The following LARP4B variants were observed in gnomAD, a reference collection of about 807,000 sequenced individuals.
LARP4B encodes the protein la-related protein 4B.
A neutral mutation model predicts 89.8 loss-of-function variants in LARP4B; 12 were observed. The ratio of observed to expected loss-of-function variants is 0.13; its 90% CI spans 0.09 to 0.22. The LOEUF is 0.22. Among genes scored for constraint, LARP4B ranks in the 10% least tolerant of loss-of-function variants. LARP4B has a pLI of 1.00. For missense variants in LARP4B, 757 were observed against 947.7 expected (o/e 0.80, Z 2.64); for synonymous variants, 367 against 363.3 (o/e 1.01, Z -0.12).
chr10:830,539 G>C (rs183951939), intron 9 of LARP4B, among the ~76,000 whole-genome samples: 2 of 152,246 alleles, frequency 1.3e-5, no homozygotes, highest in Admixed American at 1.3e-4. Context: ...AAGTCTGCTG[G>C]GAGATGAAGA....
chr10:813,070 C>T lies in LARP4B; in HGVS notation c.2073G>A (p.Glu691=). 1.2e-6 allele frequency: 2 copies of T among 1,614,172 alleles called. No homozygotes were observed. The highest frequency in any genetic ancestry group is 2.2e-5 in the South Asian group (2 of 91,080). Residue 691 remains glutamate (E), a synonymous_variant, in exon 18 of 18, where the codon GAG becomes GAA. Coordinates refer to ENST00000316157, the MANE Select transcript of LARP4B (RefSeq NM_015155.3). ...KEEKKLAEPA[E]RYREPPALKS... ...TGAGGGCTGGGGGCTCCCGGTATCT[C>T]TCTGCGGGCTCTGCCAGCTTCTTTT...
At chr10:956,039 G>T in the LARP4B span, among the ~76,000 whole-genome samples, 2 of 152,152 alleles carry the variant, frequency 1.3e-5, no homozygotes. This position sits in a 1 kb window ranked among gnomAD's most constrained non-coding sequence, Gnocchi z 4.3. Flanking sequence ...ACAGAGGTGG[G>T]GACACAGGAT....
Position 810,175 on chromosome 10 carries a change from T to C in LARP4B, c.*2751A>G, listed in dbSNP as rs1381721407. ...GCTGGGGGTAAAGGAGGGTGTTAAC[T>C]TAAAAAAAAAAAAAGTATGAAAGCC... On this transcript the variant is annotated 3_prime_UTR_variant, in exon 18 of 18. Transcript: ENST00000316157. 1.3e-5 allele frequency: 2 copies of C among 150,470 alleles called. No individual in the cohort carries two copies. The highest frequency in any genetic ancestry group is 6.6e-5 in the Admixed American group (1 of 15,148). 9.3% of individuals were successfully genotyped at this position (150,470 alleles called of 1,614,324 possible). A position where few individuals can be genotyped will look rare whatever the true frequency, so the allele number is the denominator to read the frequency against.
chr10:981,647 C>T, the LARP4B span, among the ~76,000 whole-genome samples: 705 of 152,002 alleles, frequency 4.6e-3, 3 homozygotes, highest in Non-Finnish European at 7.8e-3. Flanking sequence ...CTCGGCTCAC[C>T]GCAACCTCTG....
chr10:895,206 G>GTAAAA (rs935234591), intron 1 of LARP4B, among the ~76,000 whole-genome samples: 3 of 150,802 alleles, frequency 2.0e-5, no homozygotes, highest in East Asian at 1.9e-4. Context: ...ATAAAATAAC[G>GTAAAA]TAAAATAAAA....
rs144565605 is a variant in LARP4B, at chr10:813,136, T to C, written c.2007A>G (p.Gln669=). 1.2e-4 allele frequency: 193 copies of C among 1,614,148 alleles called. No individual in the cohort carries two copies. The African/African-American group carries it at 2.3e-3, about 19-fold the overall frequency. Residue 669 remains glutamine (Q), a synonymous_variant, in exon 18 of 18, where the codon CAA becomes CAG. Coordinates refer to ENST00000316157, the MANE Select transcript of LARP4B (RefSeq NM_015155.3). ...CAACAGTGTTTGGCTTTTGTTCTTT[T>C]TGGGGTTGCAATGGGGAAGAAGGAG... ...KEPPSSPLQP[Q]KEQKPNTVGC...
At chr10:902,285 C>G (rs1265495733) in intron 1 of LARP4B, among the ~76,000 whole-genome samples, 1 of 152,170 alleles carries the variant, frequency 6.6e-6, no homozygotes, top group East Asian at 1.9e-4. Flanking sequence ...GTATCTGAAC[C>G]AAATGCACAG....
chr10:957,985 T>C, the LARP4B span, among the ~76,000 whole-genome samples: 12 of 151,922 alleles, frequency 7.9e-5, no homozygotes, highest in African/African-American at 2.9e-4. Context: ...TTTGTAGAGA[T>C]GGGGTTTCGC....
At chr10:835,371 A>G (rs1458638432) in intron 8 of LARP4B, among the ~76,000 whole-genome samples, 1 of 152,222 alleles carries the variant, frequency 6.6e-6, no homozygotes, top group Non-Finnish European at 1.5e-5. Flanking sequence ...TCTCCTCTGC[A>G]GAGAAGGTGT....
At chr10:968,995 A>G in the LARP4B span, among the ~76,000 whole-genome samples, 3 of 152,252 alleles carry the variant, frequency 2.0e-5, no homozygotes, top group Non-Finnish European at 2.9e-5. Flanking sequence ...CGGAGTCGGT[A>G]GAACACATCT....
At chr10:888,714 G>A (rs1348521624) in intron 1 of LARP4B, among the ~76,000 whole-genome samples, 3 of 152,194 alleles carry the variant, frequency 2.0e-5, no homozygotes, top group African/African-American at 7.2e-5. Flanking sequence ...GAGTCAGAAA[G>A]TGACAGTGGT....
At chr10:860,794 A>T (rs1834559995) in intron 5 of LARP4B, among the ~76,000 whole-genome samples, 1 of 152,200 alleles carries the variant, frequency 6.6e-6, no homozygotes. Flanking sequence ...TCTTGGGCCC[A>T]GGAGTTCCAT....
At chr10:954,823 G>A in the LARP4B span, among the ~76,000 whole-genome samples, 9 of 56,046 alleles carry the variant, frequency 1.6e-4, no homozygotes, top group African/African-American at 6.3e-4. This position sits in a 1 kb window ranked among gnomAD's most constrained non-coding sequence, Gnocchi z 5.0. Context: ...TCCCATCCAC[G>A]CTTCCCCAGG....
intron 2 of LARP4B, among the ~76,000 whole-genome samples, chr10:884,776 T>C (rs1287115814): frequency 6.6e-6 from 1 of 152,208 alleles, no homozygotes; most frequent in African/African-American, 2.4e-5. Context: ...TAAATATTAC[T>C]GCTTGACATA....
At chr10:961,523 T>G in the LARP4B span, among the ~76,000 whole-genome samples, 10 of 146,406 alleles carry the variant, frequency 6.8e-5, no homozygotes, top group East Asian at 6.1e-4. Context: ...CTGCTTCTGG[T>G]GAGGCCTCGG....
upstream of LARP4B, among the ~76,000 whole-genome samples, chr10:931,889 C>T (rs558434664): frequency 6.0e-5 from 9 of 151,154 alleles, no homozygotes; most frequent in South Asian, 1.7e-3. Flanking sequence ...CCTTCTTGGC[C>T]TCTCCGCGCG....
chr10:958,800 C>A, the LARP4B span, among the ~76,000 whole-genome samples: 1 of 152,240 alleles, frequency 6.6e-6, no homozygotes, highest in Non-Finnish European at 1.5e-5. Flanking sequence ...TCATGGGGGT[C>A]CACGTGGAGT....
the LARP4B span, among the ~76,000 whole-genome samples, chr10:947,790 G>C: frequency 6.6e-6 from 1 of 151,936 alleles, no homozygotes; most frequent in Non-Finnish European, 1.5e-5. Context: ...CCCGGCTCAT[G>C]TTTTTGTATT....
chr10:834,419 A>G (rs1833087713), intron 8 of LARP4B, among the ~76,000 whole-genome samples: 1 of 152,224 alleles, frequency 6.6e-6, no homozygotes, highest in African/African-American at 2.4e-5. Flanking sequence ...GAAAATCAGA[A>G]TCAGTATTTA....
Sources: allele counts gnomAD v4.1 joint callset (sites outside exome capture counted in the v4.1 genomes callset), GRCh38; gene constraint gnomAD v4.1.1; non-coding constraint Gnocchi (gnomAD v3.1); transcripts MANE v1.5; gene names NCBI Gene and HGNC (gene_info 2026-07-23, HGNC 2026-07-21).